The following SIAH1 variants were observed in gnomAD, a reference collection of about 807,000 sequenced individuals.
SIAH1 encodes siah E3 ubiquitin protein ligase 1.
SIAH1 carries 2 observed loss-of-function variants against 20.0 expected under a neutral mutation model. The observed-to-expected ratio is 0.10, with a 90% CI of 0.04 to 0.31. The LOEUF (loss-of-function observed/expected upper bound fraction) is 0.31. Ranked by LOEUF, SIAH1 falls within the 10% of genes least tolerant of loss-of-function variation. SIAH1 has a pLI of 1.00. For synonymous variants in SIAH1, 118 were observed against 125.3 expected, an observed-to-expected ratio of 0.94 and a Z score of 0.39; for missense variants, 119 against 355.3, an observed-to-expected ratio of 0.33 and a Z score of 5.35.
At position 48,362,885 on chromosome 16, in the gene SIAH1, C is replaced by T. The variant is rs1960653144; in HGVS notation, c.-2-455G>A. ...TTACAGGTGAACTCCTGTATAAAAT[C>T]GGCACTCTGTATCCACACGGTCTGC... On this transcript the variant is annotated intron_variant, in intron 1 of 1. Coordinates refer to ENST00000394725, the MANE Select transcript of SIAH1 (RefSeq NM_003031.4). The surrounding 1 kb of genome is among the most constrained non-coding windows in gnomAD (Gnocchi z 4.2). The T allele has an allele frequency of 5.9e-6, 1 of 168,968 alleles. No individual in the cohort carries two copies. Among genetic ancestry groups the T allele is most frequent in the Non-Finnish European group, 1.4e-5 (1 of 69,820 alleles). 10.5% of individuals were successfully genotyped at this position (168,968 alleles called of 1,614,324 possible).
chr16:48,363,932 G>A (rs1329711648), intron 1 of SIAH1: 1 of 149,370 alleles, frequency 6.7e-6, no homozygotes, highest in Non-Finnish European at 1.6e-5. Context: ...ACTCTACTAA[G>A]CCATAATCTT....
chr16:48,376,136 T>C (rs1159920916), intron 1 of SIAH1, among the ~76,000 whole-genome samples: 3 of 152,218 alleles, frequency 2.0e-5, no homozygotes, highest in African/African-American at 4.8e-5. Context: ...ACACCCAGAC[T>C]ACACCAAAAT....
chr16:48,361,411 T>C lies in SIAH1; in HGVS notation c.*169A>G. 1.6e-6 allele frequency: 1 copy of C among 621,912 alleles called. No individual in the cohort carries two copies. The highest frequency in any genetic ancestry group is 2.8e-6 in the Non-Finnish European group (1 of 356,772). 38.5% of individuals were successfully genotyped at this position (621,912 alleles called of 1,614,324 possible). A position where few individuals can be genotyped will look rare whatever the true frequency, so the allele number is the denominator to read the frequency against. On this transcript the variant is annotated 3_prime_UTR_variant, in exon 2 of 2. Coordinates refer to ENST00000394725, the MANE Select transcript of SIAH1 (RefSeq NM_003031.4). ...GTTGACTTATTTTTAAATATATTAG[T>C]GTTACTACATGCAACTGTTTCCTGT...
chr16:48,365,174 G>T (rs1338833411), intron 1 of SIAH1: 2 of 521,598 alleles, frequency 3.8e-6, no homozygotes, highest in East Asian at 6.2e-5. Flanking sequence ...CAGGCGCCCT[G>T]CAGTAGGAAC....
intron 1 of SIAH1, among the ~76,000 whole-genome samples, chr16:48,371,567 A>G (rs139153272): frequency 1.3e-5 from 2 of 152,382 alleles, no homozygotes; most frequent in Admixed American, 6.5e-5. Flanking sequence ...TGGAGAGGAA[A>G]GAGCAGAGAA....
At chr16:48,364,288 A>G (rs1331707748) in intron 1 of SIAH1, among the ~76,000 whole-genome samples, 4 of 152,074 alleles carry the variant, frequency 2.6e-5, no homozygotes, top group African/African-American at 7.2e-5. Flanking sequence ...GTTTTATCTC[A>G]ATTATAGTCA....
intron 1 of SIAH1, among the ~76,000 whole-genome samples, chr16:48,364,044 G>GGTT (rs1378100263): frequency 7.1e-6 from 1 of 140,038 alleles, no homozygotes; most frequent in Non-Finnish European, 1.5e-5. Context: ...CTGCCTCCCA[G>GGTT]GTTCAAGCAA....
At chr16:48,368,239 T>C (rs968264201) in intron 1 of SIAH1, among the ~76,000 whole-genome samples, 4 of 152,186 alleles carry the variant, frequency 2.6e-5, no homozygotes, top group Admixed American at 2.6e-4. Flanking sequence ...ATCAGACCAA[T>C]GAATCAGTTA....
chr16:48,377,808 C>T (rs987369974), intron 1 of SIAH1, among the ~76,000 whole-genome samples: 2 of 152,008 alleles, frequency 1.3e-5, no homozygotes, highest in African/African-American at 4.8e-5. Flanking sequence ...CCAGGTGTGG[C>T]AGCTCACACC....
upstream of SIAH1, chr16:48,385,551 CG>C (rs1381994155): frequency 6.6e-6 from 1 of 151,648 alleles, no homozygotes; most frequent in Non-Finnish European, 1.5e-5. Flanking sequence ...CGGCCGGCGG[CG>C]GCCTCCGCGG....
At chr16:48,379,592 G>A (rs535826322) in intron 1 of SIAH1, among the ~76,000 whole-genome samples, 1 of 152,324 alleles carries the variant, frequency 6.6e-6, no homozygotes, top group East Asian at 1.9e-4. Flanking sequence ...CACCACCTAT[G>A]TTCCAGAAAG....
intron 1 of SIAH1, among the ~76,000 whole-genome samples, chr16:48,377,383 T>C (rs949145918): frequency 2.0e-5 from 3 of 149,742 alleles, no homozygotes; most frequent in African/African-American, 7.4e-5. Flanking sequence ...CCTAAAGTTC[T>C]GGAAGACTTT....
rs1457728785 is a variant in SIAH1, at chr16:48,362,735, AAAC to A, written c.-2-308_-2-306del. 3 of 267,752 alleles carry A rather than the reference AAAC, an allele frequency of 1.1e-5. No homozygotes were observed. The highest frequency in any genetic ancestry group is 1.0e-4 in the Admixed American group (2 of 19,562). The allele number at this position is 267,752 out of a possible 1,614,324, so 16.6% of individuals were successfully genotyped here. On this transcript the variant is annotated intron_variant, in intron 1 of 1. Transcript: ENST00000394725. The surrounding 1 kb of genome is among the most constrained non-coding windows in gnomAD (Gnocchi z 4.2). ...AATGCTAAAATAGAAAATGGACCATAAACAACTAAAGAAACTATACAAGGAACT... is the reference window on the plus strand; with the variant it reads ...AATGCTAAAATAGAAAATGGACCATAAACTAAAGAAACTATACAAGGAACT...
At chr16:48,365,991 G>A (rs976245673) in intron 1 of SIAH1, 1 of 948,746 alleles carries the variant, frequency 1.1e-6, no homozygotes, top group Non-Finnish European at 1.3e-6. Context: ...TTCAGGGCGC[G>A]CGGCGCACAG....
At chr16:48,386,230 G>T (rs574408449), upstream of SIAH1, among the ~76,000 whole-genome samples, 101 of 152,330 alleles carry the variant, frequency 6.6e-4, no homozygotes, top group Middle Eastern at 3.4e-3. Flanking sequence ...ATTCCGTCCG[G>T]ACGCGGTGGC....
At chr16:48,376,388 C>CA (rs1961110360) in intron 1 of SIAH1, among the ~76,000 whole-genome samples, 1 of 152,048 alleles carries the variant, frequency 6.6e-6, no homozygotes, top group Non-Finnish European at 1.5e-5. Context: ...CTTTTTTTCT[C>CA]AAAATTCCTC....
chr16:48,383,920 T>G (rs1385571541), intron 1 of SIAH1, among the ~76,000 whole-genome samples: 2 of 152,244 alleles, frequency 1.3e-5, no homozygotes. Context: ...TAAGCATTTG[T>G]TGAGAACTTA....
chr16:48,381,054 G>A (rs1343114611), intron 1 of SIAH1, among the ~76,000 whole-genome samples: 1 of 151,936 alleles, frequency 6.6e-6, no homozygotes, highest in Non-Finnish European at 1.5e-5. Flanking sequence ...CAGCCAATCT[G>A]GAAGACAGTT....
chr16:48,377,388 G>A (rs969650595), intron 1 of SIAH1, among the ~76,000 whole-genome samples: 1 of 144,888 alleles, frequency 6.9e-6, no homozygotes, highest in Non-Finnish European at 1.5e-5. Context: ...AGTTCTGGAA[G>A]ACTTTTTTTT....
Sources: allele counts gnomAD v4.1 joint callset (sites outside exome capture counted in the v4.1 genomes callset), GRCh38; gene constraint gnomAD v4.1.1; non-coding constraint Gnocchi (gnomAD v3.1); transcripts MANE v1.5; gene names NCBI Gene and HGNC (gene_info 2026-07-23, HGNC 2026-07-21).